MBD1: variants seen among roughly 807,000 people sequenced by gnomAD.
MBD1 encodes the protein methyl-CpG-binding domain protein 1.
In MBD1, 25 loss-of-function variants were observed where a neutral mutation model predicts 82.6. That is an observed-to-expected ratio of 0.30 (90% CI 0.22 to 0.42). The LOEUF (loss-of-function observed/expected upper bound fraction) is 0.42. MBD1 is among the 10% of genes least tolerant of loss of function. MBD1 has a pLI of 1.00. For synonymous variants in MBD1, 301 were observed against 303.7 expected (o/e 0.99, Z 0.09); for missense variants, 627 against 819.6 (o/e 0.76, Z 2.87).
intron 1 of MBD1, among the ~76,000 whole-genome samples, chr18:50,280,940 T>A (rs1361169929): frequency 1.3e-5 from 2 of 152,058 alleles, no homozygotes; most frequent in Non-Finnish European, 2.9e-5. Context: ...ACCATTCTGA[T>A]CCCCTACTGC....
In MBD1 at chr18:50,268,905, CTAAAT is replaced by C. The variant is rs982158909; in HGVS notation, c.*941_*945del. 43 of 984,316 alleles carry C rather than the reference CTAAAT, an allele frequency of 4.4e-5. No individual in the cohort carries two copies. In the African/African-American group the frequency reaches 4.9e-4, roughly 11 times the overall value. The allele number at this position is 984,316 out of a possible 1,614,324, so 61.0% of individuals were successfully genotyped here. A position where few individuals can be genotyped will look rare whatever the true frequency, so the allele number is the denominator to read the frequency against. On this transcript the variant is annotated 3_prime_UTR_variant, in exon 17 of 17. Coordinates refer to ENST00000269468, the MANE Select transcript of MBD1 (RefSeq NM_015846.4). ...AAATAGAACAGCTTAGAGATAGAAA[CTAAAT>C]TATTTCCAATTCCTACTGTGCCCCA...
At chr18:50,267,793 G>A, downstream of MBD1, 2 of 659,396 alleles carry the variant, frequency 3.0e-6, no homozygotes, top group Non-Finnish European at 5.5e-6. Flanking sequence ...CAACTAATGT[G>A]TATGCCCTCT....
At chr18:50,272,226 C>G (rs565410451) in intron 15 of MBD1, among the ~76,000 whole-genome samples, 1 of 152,286 alleles carries the variant, frequency 6.6e-6, no homozygotes, top group East Asian at 1.9e-4. Flanking sequence ...TACCACTGCC[C>G]AGGCAAGCCC....
At chr18:50,272,533 C>T (rs2036012810) in intron 15 of MBD1, 144 bp downstream of exon 15, 4 of 881,178 alleles carry the variant, frequency 4.5e-6, no homozygotes, top group Middle Eastern at 3.1e-4. Context: ...CACACACGCC[C>T]CTCATTAATT....
downstream of MBD1, among the ~76,000 whole-genome samples, chr18:50,268,662 T>C (rs2034309798): frequency 6.6e-6 from 1 of 152,194 alleles, no homozygotes; most frequent in South Asian, 2.1e-4. Flanking sequence ...CGGCCAGTGC[T>C]GAGCACCAAG....
In MBD1 at chr18:50,273,845, C is replaced by T. The variant is rs752079718; in HGVS notation, c.1165G>A (p.Val389Ile). 2.3e-5 allele frequency: 37 copies of T among 1,612,940 alleles called. No homozygotes were observed. The highest frequency in any genetic ancestry group is 3.1e-5 in the Non-Finnish European group (37 of 1,179,980). The change falls in exon 12 of 17, where the codon GTC becomes ATC. Residue 389 changes from valine to isoleucine, a missense_variant. Around this residue, in one of 6 missense-constraint regions of MBD1, gnomAD observed 265 missense variants for 278.4 expected, o/e 0.95. Coordinates refer to ENST00000269468, the MANE Select transcript of MBD1 (RefSeq NM_015846.4). ...GCCCCATCCTCAGACTCTGACCAGA[C>T]ACTGGGCAGCAGCCGCTTCTATGGG... ...QFAMKRLLPS[V>I]WSESEDGAGS... is the part of the protein sequence containing the mutation.
intron 8 of MBD1, 124 bp from the exon 9 acceptor site, chr18:50,275,369 C>T (rs1364316469): frequency 6.2e-7 from 1 of 1,611,160 alleles, no homozygotes; most frequent in Admixed American, 1.7e-5. Flanking sequence ...GAGGCACTCA[C>T]AGTTGGGGGA....
At chr18:50,272,392 A>G in intron 15 of MBD1, 1 of 478,542 alleles carries the variant, frequency 2.1e-6, no homozygotes, top group Non-Finnish European at 3.8e-6. Flanking sequence ...TTAGGAAAAT[A>G]GGGACCAGAC....
chr18:50,270,427 C>T (rs1018072905), intron 16 of MBD1: 13 of 450,758 alleles, frequency 2.9e-5, no homozygotes, highest in Non-Finnish European at 4.8e-5. Flanking sequence ...GGGCAGGACT[C>T]GAAGCAGGAA....
rs779034269 is a variant in MBD1, at chr18:50,275,703, C to G, written c.689G>C (p.Gly230Ala). 6.2e-7 allele frequency: 1 copy of G among 1,614,096 alleles called. No homozygotes were observed. The highest frequency in any genetic ancestry group is 8.5e-7 in the Non-Finnish European group (1 of 1,180,032). ...GCCACAATCCTCTTGGGTCTGACAG[C>G]CCCGGCATACTCCACACCCTCGGCT... The part of the protein sequence containing the change: ...ERSRGCGVCR[G>A]CQTQEDCGHC... The change falls in exon 8 of 17, where the codon GGC becomes GCC. Residue 230 changes from glycine to alanine, a missense_variant. Physicochemically the swap from Gly to Ala is moderately conservative, Grantham distance 60. This residue lies in a region of MBD1 where 228 missense variants were observed against 318.1 expected (regional missense o/e 0.72). Transcript: ENST00000269468.
chr18:50,273,451 C>G lies in MBD1; in HGVS notation c.1467G>C (p.Leu489=). ...ALLQEAQCSG[L]SWVVALPQVK... is the part of the protein sequence containing the mutation. ...CCTGGGGTAAGGCCACAACCCAACTCAGGCCAGAGCACTGGGCCTCCTGCG... is the reference window on the plus strand; with the variant it reads ...CCTGGGGTAAGGCCACAACCCAACTGAGGCCAGAGCACTGGGCCTCCTGCG... Residue 489 remains leucine, a synonymous_variant, in exon 13 of 17, where the codon CTG becomes CTC. Coordinates refer to ENST00000269468, the MANE Select transcript of MBD1 (RefSeq NM_015846.4). The G allele has an allele frequency of 6.2e-7, 1 of 1,614,220 alleles. No individual in the cohort carries two copies. The highest frequency in any genetic ancestry group is 8.5e-7 in the Non-Finnish European group (1 of 1,180,044).
At position 50,273,597 on chromosome 18, in the gene MBD1, G is replaced by A. The variant is rs1269478723; in HGVS notation, c.1413C>T (p.Gly471=). 3 of 1,612,964 alleles carry A rather than the reference G, an allele frequency of 1.9e-6. No individual in the cohort carries two copies. The highest frequency in any genetic ancestry group is 2.5e-6 in the Non-Finnish European group (3 of 1,180,012). Residue 471 remains glycine, a synonymous_variant, in exon 12 of 17, where the codon GGC becomes GGT. Coordinates refer to ENST00000269468, the MANE Select transcript of MBD1 (RefSeq NM_015846.4). ...EGASSPVQVP[G]PVAASTEALL... ...GGGCTTCTGTGGAAGCTGCAACAGG[G>A]CCCGGCACCTGCACAGGACTGCTTG...
intron 2 of MBD1, among the ~76,000 whole-genome samples, chr18:50,279,506 A>T: frequency 6.6e-6 from 1 of 152,226 alleles, no homozygotes; most frequent in East Asian, 1.9e-4. Context: ...CTTGGGGACC[A>T]TTTTAAAAAG....
chr18:50,267,385 A>G, downstream of MBD1: 1 of 516,346 alleles, frequency 1.9e-6, no homozygotes, highest in Non-Finnish European at 3.5e-6. Flanking sequence ...AAATCTTCCT[A>G]TTTGCCATTG....
intron 8 of MBD1, 93 bp from the exon 9 acceptor site, chr18:50,275,338 C>G (rs1299172155): frequency 6.2e-7 from 1 of 1,612,436 alleles, no homozygotes; most frequent in East Asian, 2.2e-5. Context: ...ATGCATGGGA[C>G]AGGCAGACAG....
chr18:50,277,984 G>A (rs1189912559), intron 2 of MBD1, among the ~76,000 whole-genome samples: 1 of 152,182 alleles, frequency 6.6e-6, no homozygotes, highest in Non-Finnish European at 1.5e-5. Flanking sequence ...TCCCCCTCTC[G>A]TGCAGGGGAT....
chr18:50,275,877 G>C lies in MBD1; in HGVS notation c.621C>G (p.Phe207Leu), dbSNP rs1427132184. ...GGCAGCGTCTCCGTTCACACTTGCAGAACAGCCCCGATGCCACATCATGGG... is the reference window on the plus strand; with the variant it reads ...GGCAGCGTCTCCGTTCACACTTGCACAACAGCCCCGATGCCACATCATGGG... ...QLPHDVASGL[F>L]CKCERRRCLR... Residue 207 changes from phenylalanine (F) to leucine (L), a missense_variant, in exon 7 of 17, where the codon TTC becomes TTG. By Grantham distance (22) the Phe-to-Leu change is conservative. Coordinates refer to ENST00000269468, the MANE Select transcript of MBD1 (RefSeq NM_015846.4). 1 of 1,614,090 alleles carries C rather than the reference G, an allele frequency of 6.2e-7. No homozygotes were observed. Among genetic ancestry groups the C allele is most frequent in the Non-Finnish European group, 8.5e-7 (1 of 1,180,042 alleles).
chr18:50,276,412 C>T lies in MBD1; in HGVS notation c.482G>A (p.Arg161Lys). 1.2e-6 allele frequency: 2 copies of T among 1,614,148 alleles called. No individual in the cohort carries two copies. The highest frequency in any genetic ancestry group is 1.7e-6 in the Non-Finnish European group (2 of 1,180,014). Residue 161 changes from arginine to lysine, a missense_variant, in exon 6 of 17, where the codon AGA becomes AAA. Transcript: ENST00000269468. ...KTLCKDCRAQ[R>K]IAFNREQRMF... ...TCTCTGTTCCCGGTTGAAGGCAATTCTCTGTGCTGTGGGGAGGAAGAGGGA... is the reference window on the plus strand; with the variant it reads ...TCTCTGTTCCCGGTTGAAGGCAATTTTCTGTGCTGTGGGGAGGAAGAGGGA...
At chr18:50,273,499 T>C (rs1172765712) in intron 12 of MBD1, 28 bp from the exon 13 acceptor site, 1 of 1,613,826 alleles carries the variant, frequency 6.2e-7, no homozygotes, top group South Asian at 1.1e-5. Context: ...GCAGCAGACT[T>C]GGTCTCAGCT....
Sources: gnomAD v4.1 joint callset for allele counts (sites outside exome capture counted in the v4.1 genomes callset) on GRCh38, gnomAD v4.1.1 for gene constraint, gnomAD v4.1.1 regional missense constraint, MANE v1.5 for transcripts, NCBI Gene and HGNC (gene_info 2026-07-23, HGNC 2026-07-21) for gene names.